Variants in TRPC7 observed in about 807,000 individuals in gnomAD.
TRPC7 encodes short transient receptor potential channel 7.
A neutral mutation model predicts 90.1 loss-of-function variants in TRPC7; 42 were observed. The ratio of observed to expected loss-of-function variants is 0.47; its 90% CI spans 0.36 to 0.60. The LOEUF (loss-of-function observed/expected upper bound fraction) is 0.60, where lower values mean the gene tolerates loss of function less well. Among genes scored for constraint, TRPC7 ranks in the 20% least tolerant of loss-of-function variants. The pLI, the probability that TRPC7 is intolerant of heterozygous loss-of-function variation, is 0.00. For missense variants in TRPC7, 955 were observed against 1,112.3 expected (o/e 0.86, Z 2.01); for synonymous variants, 451 against 436.3 (o/e 1.03, Z -0.42).
chr5:136,232,576 T>C (rs948619180), intron 7 of TRPC7, among the ~76,000 whole-genome samples: 5 of 152,264 alleles, frequency 3.3e-5, no homozygotes, highest in African/African-American at 1.2e-4. Flanking sequence ...GCATGTGCCT[T>C]GAAGGCAGTT....
chr5:136,217,837 C>T (rs574979520), intron 10 of TRPC7, among the ~76,000 whole-genome samples: 3 of 151,358 alleles, frequency 2.0e-5, no homozygotes, highest in Admixed American at 6.6e-5. Flanking sequence ...GCTAAAATGG[C>T]GAAACCCTGT....
chr5:136,285,472 G>C (rs1230149870), intron 3 of TRPC7, among the ~76,000 whole-genome samples: 2 of 152,198 alleles, frequency 1.3e-5, no homozygotes, highest in East Asian at 3.9e-4. Flanking sequence ...CTCTTTAAAT[G>C]TTAATGATGA....
intron 3 of TRPC7, among the ~76,000 whole-genome samples, chr5:136,302,501 C>G (rs577137811): frequency 3.5e-4 from 53 of 152,150 alleles, no homozygotes; most frequent in Middle Eastern, 3.4e-3. Flanking sequence ...ACCCCTGAAC[C>G]CCTTCCCTCC....
rs80201419 is a variant in TRPC7 at position 136,361,798 on chromosome 5, A to G, written c.2+3455T>C. On this transcript the variant is annotated intron_variant, in intron 1 of 11. Transcript: ENST00000513104. ...GCTTTGATCTGTGCATCTTCTCCCA[A>G]GAGTACATATTCTGAGTATTAGTCT... Among the ~76,000 whole-genome samples, 612 of 152,272 alleles carry G rather than the reference A, an allele frequency of 4.0e-3. 3 individuals carry two copies. Among genetic ancestry groups the G allele is most frequent in the Non-Finnish European group, 6.4e-3 (435 of 67,996 alleles).
chr5:136,236,214 G>A (rs376549052), intron 7 of TRPC7, among the ~76,000 whole-genome samples: 1 of 152,212 alleles, frequency 6.6e-6, no homozygotes, highest in East Asian at 1.9e-4. Context: ...AGCAAGCCCA[G>A]TAAGATAAGA....
chr5:136,301,350 TTTTTTTTTTTA>T (rs1321562456), intron 3 of TRPC7, among the ~76,000 whole-genome samples: 1 of 124,718 alleles, frequency 8.0e-6, no homozygotes, highest in Non-Finnish European at 1.7e-5. Flanking sequence ...TTTTTTTTTT[TTTTTTTTTTTA>T]ACAAATCATA....
At chr5:136,349,144 T>G (rs1760107036) in intron 2 of TRPC7, among the ~76,000 whole-genome samples, 1 of 152,190 alleles carries the variant, frequency 6.6e-6, no homozygotes, top group Admixed American at 6.5e-5. Context: ...CTCCTCCTCT[T>G]TTGCTTCTCT....
intron 4 of TRPC7, among the ~76,000 whole-genome samples, chr5:136,274,336 A>G (rs1346843542): frequency 6.6e-6 from 1 of 152,214 alleles, no homozygotes; most frequent in Non-Finnish European, 1.5e-5. Context: ...GATTCTAATT[A>G]TTATACTGTG....
chr5:136,348,764 T>C (rs904692011), intron 2 of TRPC7, among the ~76,000 whole-genome samples: 3 of 152,184 alleles, frequency 2.0e-5, no homozygotes, highest in African/African-American at 7.2e-5. Context: ...CTGATAAATA[T>C]TTTCTGTATT....
chr5:136,241,673 A>G (rs186171150), intron 7 of TRPC7, among the ~76,000 whole-genome samples: 1 of 152,038 alleles, frequency 6.6e-6, no homozygotes, highest in African/African-American at 2.4e-5. Flanking sequence ...CTCCTGCCTC[A>G]ATCTTCCAAG....
chr5:136,305,339 G>T (rs1758579089), intron 3 of TRPC7, among the ~76,000 whole-genome samples: 1 of 152,110 alleles, frequency 6.6e-6, no homozygotes, highest in Admixed American at 6.5e-5. Context: ...GCAAAGGCAG[G>T]CTATGCTATA....
Position 136,286,123 on chromosome 5 carries a change from G to A in TRPC7, c.964-11286C>T, listed in dbSNP as rs551780822. Among the ~76,000 whole-genome samples, 28 of 152,294 alleles carry A rather than the reference G, an allele frequency of 1.8e-4. No individual in the cohort carries two copies. In the South Asian group the frequency reaches 4.8e-3, roughly 26 times the overall value. ...TTCAAGAAATACTTATCGAATGCGCGAATTTATAAATGAATCCACAAGTCA... is the reference window on the plus strand; with the variant it reads ...TTCAAGAAATACTTATCGAATGCGCAAATTTATAAATGAATCCACAAGTCA... On this transcript the variant is annotated intron_variant, in intron 3 of 11. Coordinates refer to ENST00000513104, the MANE Select transcript of TRPC7 (RefSeq NM_020389.3).
intron 3 of TRPC7, among the ~76,000 whole-genome samples, chr5:136,281,153 T>TAA (rs1295914553): frequency 6.6e-6 from 1 of 152,202 alleles, no homozygotes; most frequent in South Asian, 2.1e-4. Context: ...AGAACTCTTA[T>TAA]CTCTCTCTGC....
intron 3 of TRPC7, among the ~76,000 whole-genome samples, chr5:136,304,488 G>A (rs237614): frequency 0.51 from 77,717 of 151,704 alleles, 20,434 homozygotes; most frequent in African/African-American, 0.63. Flanking sequence ...TGTCCACCCC[G>A]TGGTGCCAAA....
In TRPC7 at chr5:136,317,218, G is replaced by A. The variant is rs990448946; in HGVS notation, c.781-1439C>T. ...GTGTAAGAAACTTTTGGGGTTCTAGGTTTTGGTATCTAGCACAGAGCTGGC... is the reference window on the plus strand; with the variant it reads ...GTGTAAGAAACTTTTGGGGTTCTAGATTTTGGTATCTAGCACAGAGCTGGC... On this transcript the variant is annotated intron_variant, in intron 2 of 11. Transcript: ENST00000513104. Among the ~76,000 whole-genome samples the A allele has an allele frequency of 5.6e-4, 85 of 152,298 alleles. 1 individual carries two copies. The highest frequency in any genetic ancestry group is 3.4e-3 in the Middle Eastern group (1 of 294).
intron 1 of TRPC7, among the ~76,000 whole-genome samples, chr5:136,362,367 A>G (rs749976747): frequency 6.6e-6 from 1 of 152,154 alleles, no homozygotes; most frequent in Non-Finnish European, 1.5e-5. Flanking sequence ...GAAATTTAAC[A>G]TTATAGATAC....
intron 6 of TRPC7, among the ~76,000 whole-genome samples, chr5:136,250,128 A>C (rs1484445445): frequency 6.6e-6 from 1 of 152,222 alleles, no homozygotes; most frequent in Non-Finnish European, 1.5e-5. Context: ...ATAATATCCA[A>C]GCTATTTTGC....
At chr5:136,363,926 CA>C (rs1386076047) in intron 1 of TRPC7, among the ~76,000 whole-genome samples, 1 of 152,050 alleles carries the variant, frequency 6.6e-6, no homozygotes, top group African/African-American at 2.4e-5. Context: ...GGAGCTGAAA[CA>C]AGTTTTGATA....
chr5:136,273,333 T>C (rs527823748), intron 4 of TRPC7, among the ~76,000 whole-genome samples: 3 of 152,310 alleles, frequency 2.0e-5, no homozygotes. Context: ...CAGAAAAAAA[T>C]TGCCTTTACC....
Sources: allele counts gnomAD v4.1 joint callset (sites outside exome capture counted in the v4.1 genomes callset), GRCh38; gene constraint gnomAD v4.1.1; transcripts MANE v1.5; gene names NCBI Gene and HGNC (gene_info 2026-07-23, HGNC 2026-07-21).